REC114: variants seen among roughly 807,000 people sequenced by gnomAD.
REC114 encodes REC114 meiotic recombination protein, also known as meiotic recombination protein REC114.
REC114 carries 27 observed loss-of-function variants against 31.3 expected under a neutral mutation model. The ratio of observed to expected loss-of-function variants is 0.86; its 90% CI spans 0.64 to 1.19. REC114 has a LOEUF of 1.19. Among genes scored for constraint, REC114 ranks in the 50% most tolerant of loss-of-function variants. REC114 has a pLI of 0.00. For missense variants in REC114, 344 were observed against 326.9 expected (o/e 1.05, Z -0.40); for synonymous variants, 134 against 127.7 (o/e 1.05, Z -0.33).
chr15:73,512,189 C>T lies in REC114; in HGVS notation c.250-28296C>T, dbSNP rs1417409292. 1.6e-5 allele frequency among the ~76,000 whole-genome samples: 2 copies of T among 126,270 alleles called. 1 individual carries two copies. The highest frequency in any genetic ancestry group is 3.1e-5 in the Non-Finnish European group (2 of 63,760). 82.8% of individuals were successfully genotyped at this position (126,270 alleles called of 152,430 possible). A position where few individuals can be genotyped will look rare whatever the true frequency, so the allele number is the denominator to read the frequency against. ...CTTCTTGTTGAATTGATCTCTTTAC[C>T]ATTATGTAATGGCCTTCTTTGTCTC... On this transcript the variant is annotated intron_variant, in intron 2 of 5. Coordinates refer to ENST00000331090, the MANE Select transcript of REC114 (RefSeq NM_001042367.2).
At chr15:73,483,450 G>A (rs1001356932) in intron 2 of REC114, 3 of 152,948 alleles carry the variant, frequency 2.0e-5, no homozygotes, top group Non-Finnish European at 2.9e-5. Flanking sequence ...TTGGTCTAAC[G>A]AAGGTTTTTG....
intron 4 of REC114, 57 bp downstream of exon 4, chr15:73,551,207 G>A (rs1018570840): frequency 2.0e-6 from 3 of 1,475,286 alleles, no homozygotes; most frequent in Non-Finnish European, 2.8e-6. Flanking sequence ...TGCACAATGA[G>A]TGGCCAAAAT....
rs939524940 is a variant in REC114 at position 73,550,875 on chromosome 15, G to A, written c.334-63G>A. ...CAAGCAAAGGAAACACTCAGTGGAAGACCCCAAAGTAAATAGTTATATGAT... is the reference window on the plus strand; with the variant it reads ...CAAGCAAAGGAAACACTCAGTGGAAAACCCCAAAGTAAATAGTTATATGAT... On this transcript the variant is annotated intron_variant, in intron 3 of 5. Coordinates refer to ENST00000331090, the MANE Select transcript of REC114 (RefSeq NM_001042367.2). The A allele has an allele frequency of 6.7e-6, 10 of 1,499,096 alleles. No individual in the cohort carries two copies. The Admixed American group carries it at 8.5e-5, about 13-fold the overall frequency. 92.9% of individuals were successfully genotyped at this position (1,499,096 alleles called of 1,614,324 possible).
intron 1 of REC114, among the ~76,000 whole-genome samples, chr15:73,465,164 T>C: frequency 6.6e-6 from 1 of 152,220 alleles, no homozygotes; most frequent in Non-Finnish European, 1.5e-5. Context: ...AGTGCTGGGC[T>C]TACAGGTGTG....
chr15:73,467,951 G>A (rs1893083972), intron 1 of REC114, among the ~76,000 whole-genome samples: 1 of 148,974 alleles, frequency 6.7e-6, no homozygotes, highest in Non-Finnish European at 1.5e-5. Flanking sequence ...TCCTTAGTTT[G>A]TTACCCACCT....
intron 2 of REC114, among the ~76,000 whole-genome samples, chr15:73,474,727 TATC>T (rs958481929): frequency 6.6e-6 from 1 of 152,216 alleles, no homozygotes; most frequent in East Asian, 1.9e-4. Flanking sequence ...CATTATGGGA[TATC>T]ATCATTCTAG....
intron 2 of REC114, among the ~76,000 whole-genome samples, chr15:73,519,475 C>T (rs1893905796): frequency 1.3e-5 from 2 of 152,176 alleles, no homozygotes; most frequent in African/African-American, 2.4e-5. Flanking sequence ...CTAGAATGGA[C>T]TAAGACAGTT....
chr15:73,531,407 C>T (rs2141324826), intron 2 of REC114, among the ~76,000 whole-genome samples: 1 of 152,260 alleles, frequency 6.6e-6, no homozygotes, highest in South Asian at 2.1e-4. Context: ...TGTATGATAG[C>T]AGGGGCCACG....
At chr15:73,547,369 G>A (rs1205931637) in intron 3 of REC114, among the ~76,000 whole-genome samples, 1 of 152,078 alleles carries the variant, frequency 6.6e-6, no homozygotes, top group African/African-American at 2.4e-5. Flanking sequence ...AGTTAAAATG[G>A]CTTTTATCCA....
At chr15:73,483,487 C>G (rs1893322863) in intron 2 of REC114, 1 of 152,952 alleles carries the variant, frequency 6.5e-6, no homozygotes, top group Non-Finnish European at 1.5e-5. Flanking sequence ...GGACAGTGCC[C>G]ATCACCAATA....
At position 73,539,457 on chromosome 15, in the gene REC114, C is replaced by CTT. The variant is rs58815458; in HGVS notation, c.250-1005_250-1004dup. ...AGGCACCTGCCACCACGCCCGGCTA[C>CTT]TTTTTTTTTTTTTTTTTTTTTTTTA... is the stretch of plus-strand genomic sequence containing the variant. On this transcript the variant is annotated intron_variant, in intron 2 of 5. Coordinates refer to ENST00000331090, the MANE Select transcript of REC114 (RefSeq NM_001042367.2). Among the ~76,000 whole-genome samples the CTT allele has an allele frequency of 3.3e-3, 343 of 104,272 alleles. 1 individual carries two copies. The highest frequency in any genetic ancestry group is 0.013 in the African/African-American group (298 of 23,210). 68.4% of individuals were successfully genotyped at this position (104,272 alleles called of 152,430 possible).
chr15:73,515,211 A>G (rs536177985), intron 2 of REC114, among the ~76,000 whole-genome samples: 24 of 152,272 alleles, frequency 1.6e-4, no homozygotes, highest in Non-Finnish European at 2.8e-4. Context: ...GATTACAGGC[A>G]TGAGCCACCA....
intron 2 of REC114, among the ~76,000 whole-genome samples, chr15:73,496,513 C>T (rs541728861): frequency 2.1e-4 from 32 of 150,448 alleles, no homozygotes; most frequent in East Asian, 7.9e-4. Context: ...ATTAGCCAGA[C>T]GTGGTGGCGG....
chr15:73,545,106 TAAGTG>T (rs1039854871), intron 3 of REC114, among the ~76,000 whole-genome samples: 4 of 152,196 alleles, frequency 2.6e-5, no homozygotes, highest in African/African-American at 9.6e-5. Context: ...TACACGTAGA[TAAGTG>T]AAAAGAGATG....
At chr15:73,550,076 A>G (rs141469451) in intron 3 of REC114, among the ~76,000 whole-genome samples, 304 of 152,334 alleles carry the variant, frequency 2.0e-3, no homozygotes, top group Non-Finnish European at 3.5e-3. Flanking sequence ...ACATTTCTTT[A>G]CAGAAGAAAC....
intron 1 of REC114, among the ~76,000 whole-genome samples, chr15:73,446,950 C>T (rs956285378): frequency 2.0e-5 from 3 of 152,074 alleles, no homozygotes; most frequent in Admixed American, 6.5e-5. Flanking sequence ...AATGCTATTG[C>T]AGTGTTATAG....
At chr15:73,543,478 C>T (rs997431935) in intron 3 of REC114, among the ~76,000 whole-genome samples, 3 of 151,986 alleles carry the variant, frequency 2.0e-5, no homozygotes, top group African/African-American at 4.8e-5. Flanking sequence ...TACAGGCATG[C>T]GCTACCACAC....
At chr15:73,501,337 C>T (rs1035429355) in intron 2 of REC114, among the ~76,000 whole-genome samples, 1 of 152,182 alleles carries the variant, frequency 6.6e-6, no homozygotes, top group African/African-American at 2.4e-5. Context: ...TATCCCTTGT[C>T]ATTCTTCTTC....
chr15:73,531,112 A>T lies in REC114; in HGVS notation c.250-9373A>T, dbSNP rs559569363. Among the ~76,000 whole-genome samples the T allele has an allele frequency of 2.0e-4, 31 of 152,324 alleles. 1 individual carries two copies. In the South Asian group the frequency reaches 6.4e-3, roughly 32 times the overall value. Reference sequence around the variant, plus strand: ...AATGGGAAGATTTTAAAGCTAATTTACCTAGCTAAATGCCAGTGACACCCC... The same window carrying T: ...AATGGGAAGATTTTAAAGCTAATTTTCCTAGCTAAATGCCAGTGACACCCC... On this transcript the variant is annotated intron_variant, in intron 2 of 5. Transcript: ENST00000331090.
Sources: gnomAD v4.1 joint callset for allele counts (sites outside exome capture counted in the v4.1 genomes callset) on GRCh38, gnomAD v4.1.1 for gene constraint, MANE v1.5 for transcripts, NCBI Gene and HGNC (gene_info 2026-07-23, HGNC 2026-07-21) for gene names.